Variants in UBE2H observed in about 807,000 individuals in gnomAD.
UBE2H encodes ubiquitin conjugating enzyme E2 H.
Under a neutral mutation model 29.0 loss-of-function variants are expected in UBE2H, and 3 were observed. The observed-to-expected ratio is 0.10, with a 90% CI of 0.05 to 0.27. The LOEUF is 0.27. Ranked by LOEUF, UBE2H falls within the 10% of genes least tolerant of loss-of-function variation. The probability of loss-of-function intolerance (pLI) is 1.00; values close to 1 mark genes in which losing one functional copy is unlikely to be tolerated. For synonymous variants in UBE2H, 69 were observed against 82.9 expected (o/e 0.83, Z 0.91); for missense variants, 68 against 228.2 (o/e 0.30, Z 4.52).
chr7:129,855,256 T>C (rs1351732229), intron 5 of UBE2H, among the ~76,000 whole-genome samples: 2 of 152,250 alleles, frequency 1.3e-5, no homozygotes, highest in African/African-American at 4.8e-5. Flanking sequence ...TCACAAAGCT[T>C]TTCTGGTCAA....
chr7:129,887,244 T>TG (rs1472439986), intron 1 of UBE2H, among the ~76,000 whole-genome samples: 1 of 140,740 alleles, frequency 7.1e-6, no homozygotes, highest in African/African-American at 2.6e-5. Flanking sequence ...TTTTTTGAGA[T>TG]GGAGTCTTGC....
At chr7:129,866,631 G>A (rs1805909108) in intron 3 of UBE2H, among the ~76,000 whole-genome samples, 1 of 152,164 alleles carries the variant, frequency 6.6e-6, no homozygotes, top group African/African-American at 2.4e-5. Flanking sequence ...AAAGATAAAT[G>A]TTTGAGGTGA....
chr7:129,911,354 G>C (rs1373148376), intron 1 of UBE2H, among the ~76,000 whole-genome samples: 5 of 145,876 alleles, frequency 3.4e-5, no homozygotes, highest in African/African-American at 1.3e-4. Flanking sequence ...CTGGGTGACA[G>C]AGTGAGACTC....
chr7:129,920,811 T>C (rs940773583), intron 1 of UBE2H, among the ~76,000 whole-genome samples: 33 of 132,242 alleles, frequency 2.5e-4, no homozygotes, highest in African/African-American at 9.5e-4. Flanking sequence ...TATTTTGTCA[T>C]TGAAAACAAT....
chr7:129,925,493 AAG>A (rs1448746570), intron 1 of UBE2H, among the ~76,000 whole-genome samples: 1 of 152,146 alleles, frequency 6.6e-6, no homozygotes, highest in Non-Finnish European at 1.5e-5. Context: ...TGAAAGAAAA[AAG>A]CGAAACAACA....
At chr7:129,927,311 G>A (rs547352899) in intron 1 of UBE2H, among the ~76,000 whole-genome samples, 9 of 152,144 alleles carry the variant, frequency 5.9e-5, no homozygotes, top group Non-Finnish European at 7.4e-5. Context: ...AGAGGCAGAG[G>A]GGGGTGGATC....
intron 1 of UBE2H, among the ~76,000 whole-genome samples, chr7:129,916,986 G>A (rs191852966): frequency 1.4e-5 from 2 of 147,164 alleles, no homozygotes; most frequent in African/African-American, 2.5e-5. Context: ...GCAGTGAGCC[G>A]AGATCACACC....
intron 1 of UBE2H, among the ~76,000 whole-genome samples, chr7:129,890,570 A>G (rs1806464082): frequency 6.6e-6 from 1 of 151,642 alleles, no homozygotes; most frequent in African/African-American, 2.4e-5. Context: ...AGATTTTTGT[A>G]TTTCACCATG....
At chr7:129,924,616 T>TCACACACACACACACACACACACA (rs147228151) in intron 1 of UBE2H, among the ~76,000 whole-genome samples, 1 of 143,924 alleles carries the variant, frequency 6.9e-6, no homozygotes, top group African/African-American at 2.6e-5. Context: ...CCTTTTACAT[T>TCACACACACACACACACACACACA]CACACACACA....
At chr7:129,851,013 C>T (rs575056374) in intron 5 of UBE2H, among the ~76,000 whole-genome samples, 24 of 152,228 alleles carry the variant, frequency 1.6e-4, no homozygotes, top group Admixed American at 5.2e-4. Context: ...ACCAGGCCAC[C>T]AAACTGAGGT....
intron 1 of UBE2H, among the ~76,000 whole-genome samples, chr7:129,921,514 A>G (rs923073006): frequency 1.3e-5 from 2 of 152,242 alleles, no homozygotes; most frequent in Non-Finnish European, 2.9e-5. Context: ...GCTGGCCAAC[A>G]CAGTGAAACC....
intron 3 of UBE2H, among the ~76,000 whole-genome samples, chr7:129,861,287 T>C (rs555152769): frequency 2.0e-5 from 3 of 152,268 alleles, no homozygotes; most frequent in African/African-American, 7.2e-5. Flanking sequence ...TGTGCTTCTA[T>C]ATTATTTGCT....
chr7:129,849,604 C>T (rs2727459), intron 5 of UBE2H, among the ~76,000 whole-genome samples: 144,885 of 152,156 alleles, frequency 0.95, 69,273 homozygotes, highest in East Asian at 1. Context: ...AATAATAAAA[C>T]AATTAATTTG....
At chr7:129,864,827 C>T (rs150713657) in intron 3 of UBE2H, among the ~76,000 whole-genome samples, 2 of 152,096 alleles carry the variant, frequency 1.3e-5, no homozygotes, top group South Asian at 4.1e-4. Flanking sequence ...GCTGGGATTA[C>T]AGGAGTGAGC....
In UBE2H at chr7:129,940,229, T is replaced by C. The variant is rs560334475; in HGVS notation, c.53+12274A>G. ...AAGTTGCCTAATACTAAAAAGGAAATGCATAATTCACAACATTAATAACAT... is the reference window on the plus strand; with the variant it reads ...AAGTTGCCTAATACTAAAAAGGAAACGCATAATTCACAACATTAATAACAT... On this transcript the variant is annotated intron_variant, in intron 1 of 6. Transcript: ENST00000355621. Among the ~76,000 whole-genome samples the C allele has an allele frequency of 7.2e-5, 11 of 152,268 alleles. No homozygotes were observed. In the South Asian group the frequency reaches 2.3e-3, roughly 32 times the overall value.
intron 3 of UBE2H, among the ~76,000 whole-genome samples, chr7:129,876,305 T>C (rs1250892250): frequency 6.6e-6 from 1 of 152,188 alleles, no homozygotes; most frequent in African/African-American, 2.4e-5. Context: ...AGAACTTCTC[T>C]ACCCTGATAA....
At chr7:129,868,634 T>TGATAGTAA (rs1441884878) in intron 3 of UBE2H, among the ~76,000 whole-genome samples, 11 of 148,556 alleles carry the variant, frequency 7.4e-5, no homozygotes, top group African/African-American at 2.7e-4. Context: ...ACAAGTCCTC[T>TGATAGTAA]GATAGTAACA....
At chr7:129,835,134 G>C in intron 6 of UBE2H, 73 bp from the exon 7 acceptor site, 1 of 1,603,690 alleles carries the variant, frequency 6.2e-7, no homozygotes, top group Non-Finnish European at 8.5e-7. Flanking sequence ...CCAAAAAGCT[G>C]GCAAGGCTGC....
intron 1 of UBE2H, among the ~76,000 whole-genome samples, chr7:129,915,642 T>C (rs1223775215): frequency 2.6e-5 from 4 of 152,194 alleles, no homozygotes; most frequent in Middle Eastern, 6.3e-3. Context: ...TTCAGAGCAC[T>C]AGGAAGAAAC....
Sources: gnomAD v4.1 joint callset for allele counts (sites outside exome capture counted in the v4.1 genomes callset) on GRCh38, gnomAD v4.1.1 for gene constraint, MANE v1.5 for transcripts, NCBI Gene and HGNC (gene_info 2026-07-23, HGNC 2026-07-21) for gene names.